The following AK3 variants were observed in gnomAD, a reference collection of about 807,000 sequenced individuals.
AK3 encodes adenylate kinase 3, also known as GTP:AMP phosphotransferase AK3, mitochondrial.
A neutral mutation model predicts 23.7 loss-of-function variants in AK3; 27 were observed. The observed-to-expected ratio is 1.14, with a 90% CI of 0.84 to 1.57. AK3 has a LOEUF of 1.57. AK3 is among the 40% of genes most tolerant of loss of function. The pLI, the probability that AK3 is intolerant of heterozygous loss-of-function variation, is 0.00. For missense variants in AK3, 406 were observed against 285.6 expected (o/e 1.42, Z -3.04); for synonymous variants, 159 against 116.0 (o/e 1.37, Z -2.38).
intron 2 of AK3, among the ~76,000 whole-genome samples, chr9:4,719,839 G>A (rs979103740): frequency 6.6e-6 from 1 of 152,104 alleles, no homozygotes; most frequent in Admixed American, 6.5e-5. Flanking sequence ...GCTGAGGAGG[G>A]CGGATCACCT....
chr9:4,740,434 T>G (rs1325416381), intron 1 of AK3, among the ~76,000 whole-genome samples: 1 of 152,116 alleles, frequency 6.6e-6, no homozygotes, highest in Non-Finnish European at 1.5e-5. Flanking sequence ...AAATAATACT[T>G]GGCCTTGGGA....
At chr9:4,723,154 T>C (rs1317203844) in intron 1 of AK3, among the ~76,000 whole-genome samples, 1 of 152,224 alleles carries the variant, frequency 6.6e-6, no homozygotes, top group African/African-American at 2.4e-5. Flanking sequence ...TGTAAATATA[T>C]AGACAGAAAA....
In AK3 at chr9:4,713,040, T is replaced by C. The variant is rs747143567; in HGVS notation, c.620A>G (p.Tyr207Cys). 7 of 1,613,680 alleles carry C rather than the reference T, an allele frequency of 4.3e-6. No individual in the cohort carries two copies. The highest frequency in any genetic ancestry group is 4.5e-5 in the East Asian group (2 of 44,862). Residue 207 changes from tyrosine (Y) to cysteine (C), a missense_variant, in exon 5 of 5, where the codon TAT becomes TGT. Physicochemically the swap from Tyr to Cys is radical, Grantham distance 194 (BLOSUM62 -2). Coordinates refer to ENST00000381809, the MANE Select transcript of AK3 (RefSeq NM_016282.4). ...TTTAGTTTGTAGGAAAGCATATACA[T>C]AGGGCCAAATCTTGTTGGTTTCTGT... ...SGTETNKIWP[Y>C]VYAFLQTKVP...
At chr9:4,735,187 G>C (rs908499656) in intron 1 of AK3, among the ~76,000 whole-genome samples, 1 of 146,036 alleles carries the variant, frequency 6.8e-6, no homozygotes, top group Non-Finnish European at 1.5e-5. Flanking sequence ...TTGAGGCTAG[G>C]AGTTCATGAC....
intron 4 of AK3, among the ~76,000 whole-genome samples, chr9:4,715,369 C>G (rs980659210): frequency 7.3e-5 from 11 of 150,246 alleles, no homozygotes; most frequent in African/African-American, 2.5e-4. Flanking sequence ...ATCTTCGCAG[C>G]TTTCCTTAAC....
At chr9:4,740,222 C>G (rs1233703194) in intron 1 of AK3, among the ~76,000 whole-genome samples, 1 of 152,128 alleles carries the variant, frequency 6.6e-6, no homozygotes, top group Non-Finnish European at 1.5e-5. Context: ...TTTTCAAAAA[C>G]AACCCTCTTA....
chr9:4,729,377 G>A (rs1842101877), intron 1 of AK3, among the ~76,000 whole-genome samples: 1 of 152,124 alleles, frequency 6.6e-6, no homozygotes, highest in African/African-American at 2.4e-5. Context: ...TCAGGAGGCT[G>A]AGGCAGGAGG....
At chr9:4,733,641 T>C (rs995525581) in intron 1 of AK3, among the ~76,000 whole-genome samples, 2 of 152,270 alleles carry the variant, frequency 1.3e-5, no homozygotes, top group African/African-American at 4.8e-5. Context: ...AGAGTTCCTG[T>C]TCCAGGTCTA....
chr9:4,722,553 G>A lies in AK3; in HGVS notation c.224C>T (p.Ala75Val), dbSNP rs1403051201. ...LIPDDVMTRLALHELKNLTQY... is the reference protein window; with the variant it reads ...LIPDDVMTRLVLHELKNLTQY... ...GGTGAGATTTTTCAGCTCATGAAGG[G>A]CCAGCCGAGTCATGACATCATCTGG... The change falls in exon 2 of 5, where the codon GCC becomes GTC. Residue 75 changes from alanine to valine, a missense_variant. Transcript: ENST00000381809. 7 of 1,614,170 alleles carry A rather than the reference G, an allele frequency of 4.3e-6. No homozygotes were observed. The highest frequency in any genetic ancestry group is 5.9e-6 in the Non-Finnish European group (7 of 1,180,024).
At chr9:4,719,619 G>A (rs1417298644) in intron 2 of AK3, among the ~76,000 whole-genome samples, 1 of 152,134 alleles carries the variant, frequency 6.6e-6, no homozygotes, top group African/African-American at 2.4e-5. Context: ...TCTTAATATG[G>A]GTGGGCCTTA....
intron 1 of AK3, among the ~76,000 whole-genome samples, chr9:4,737,526 G>C (rs1842324872): frequency 6.6e-6 from 1 of 152,162 alleles, no homozygotes; most frequent in African/African-American, 2.4e-5. Flanking sequence ...TTCGAGACCA[G>C]CCTGCCAATA....
At chr9:4,735,923 C>G (rs1055260534) in intron 1 of AK3, among the ~76,000 whole-genome samples, 2 of 151,126 alleles carry the variant, frequency 1.3e-5, no homozygotes, top group Admixed American at 6.6e-5. Context: ...GAGACCAGCC[C>G]GGCTAACATG....
intron 4 of AK3, among the ~76,000 whole-genome samples, chr9:4,713,893 C>A (rs375757989): frequency 9.6e-3 from 1 of 104 alleles, no homozygotes; most frequent in Non-Finnish European, 0.022. Flanking sequence ...CTAGCCCATG[C>A]GTACACCTAC....
chr9:4,732,274 C>T (rs745713103), intron 1 of AK3, among the ~76,000 whole-genome samples: 3 of 152,086 alleles, frequency 2.0e-5, no homozygotes, highest in Non-Finnish European at 2.9e-5. Flanking sequence ...ACATTTTTTT[C>T]TCTCACTTGG....
intron 1 of AK3, among the ~76,000 whole-genome samples, chr9:4,728,003 C>A (rs1309095329): frequency 2.6e-5 from 4 of 152,084 alleles, no homozygotes; most frequent in African/African-American, 9.7e-5. Context: ...TTAAGTTTGC[C>A]ATCTTATATG....
rs1563780942 is a variant in AK3 at position 4,713,979 on chromosome 9, C to CACACCTACACATAT, written c.564-897_564-884dup. Reference sequence around the variant, plus strand: ...ACACATATACACACCTCCACATTTACACACCTACACATATACGCCTACACA... The same window carrying CACACCTACACATAT: ...ACACATATACACACCTCCACATTTACACACCTACACATATACACCTACACATATACGCCTACACA... On this transcript the variant is annotated intron_variant, in intron 4 of 4. Coordinates refer to ENST00000381809, the MANE Select transcript of AK3 (RefSeq NM_016282.4). Among the ~76,000 whole-genome samples the CACACCTACACATAT allele has an allele frequency of 1.7e-4, 3 of 17,504 alleles. 1 individual carries two copies. Among genetic ancestry groups the CACACCTACACATAT allele is most frequent in the African/African-American group, 8.2e-4 (3 of 3,652 alleles). The allele number at this position is 17,504 out of a possible 152,430, so 11.5% of individuals were successfully genotyped here.
Position 4,741,091 on chromosome 9 carries a change from C to G in AK3, c.-4G>C, listed in dbSNP as rs747260927. The G allele has an allele frequency of 6.5e-7, 1 of 1,530,650 alleles. No homozygotes were observed. The highest frequency in any genetic ancestry group is 1.4e-5 in the African/African-American group (1 of 70,050). 94.8% of individuals were successfully genotyped at this position (1,530,650 alleles called of 1,614,324 possible). The stretch of plus-strand genomic sequence containing the variant: ...GCAGCCGCGCGGACGCCCCCATGGC[C>G]GCAGACTGAGGCCCGCACCGCGCGG... On this transcript the variant is annotated 5_prime_UTR_variant, in exon 1 of 5. Coordinates refer to ENST00000381809, the MANE Select transcript of AK3 (RefSeq NM_016282.4).
intron 1 of AK3, among the ~76,000 whole-genome samples, chr9:4,739,888 A>T (rs1842384887): frequency 1.3e-5 from 2 of 152,094 alleles, no homozygotes; most frequent in Admixed American, 1.3e-4. Flanking sequence ...CCGTCTCAAA[A>T]AACAAACAAA....
Position 4,712,884 on chromosome 9 carries a change from A to G in AK3, c.*92T>C. On this transcript the variant is annotated 3_prime_UTR_variant, in exon 5 of 5. Coordinates refer to ENST00000381809, the MANE Select transcript of AK3 (RefSeq NM_016282.4). The stretch of plus-strand genomic sequence containing the variant: ...AAGTAATATAATTTTCAAAGAATTC[A>G]TACATACTAGAAGTCTTAGGAAAAG... 1 of 1,378,474 alleles carries G rather than the reference A, an allele frequency of 7.3e-7. No homozygotes were observed. Among genetic ancestry groups the G allele is most frequent in the African/African-American group, 1.5e-5 (1 of 68,938 alleles). The allele number at this position is 1,378,474 out of a possible 1,614,324, so 85.4% of individuals were successfully genotyped here. A position where few individuals can be genotyped will look rare whatever the true frequency, so the allele number is the denominator to read the frequency against.
Sources: gnomAD v4.1 joint callset for allele counts (sites outside exome capture counted in the v4.1 genomes callset) on GRCh38, gnomAD v4.1.1 for gene constraint, MANE v1.5 for transcripts, NCBI Gene and HGNC (gene_info 2026-07-23, HGNC 2026-07-21) for gene names.